ST8SIA4: variants seen among roughly 807,000 people sequenced by gnomAD.
ST8SIA4 encodes ST8 alpha-N-acetyl-neuraminide alpha-2,8-sialyltransferase 4, also known as CMP-N-acetylneuraminate-poly-alpha-2,8-sialyltransferase.
A neutral mutation model predicts 33.9 loss-of-function variants in ST8SIA4; 15 were observed. The ratio of observed to expected loss-of-function variants is 0.44; its 90% CI spans 0.30 to 0.68. The LOEUF is 0.68. Ranked by LOEUF, ST8SIA4 falls within the 30% of genes least tolerant of loss-of-function variation. The pLI, the probability that ST8SIA4 is intolerant of heterozygous loss-of-function variation, is 0.10. For missense variants in ST8SIA4, 321 were observed against 428.0 expected, an observed-to-expected ratio of 0.75 and a Z score of 2.21; for synonymous variants, 171 against 151.2, an observed-to-expected ratio of 1.13 and a Z score of -0.96.
rs760116482 is a variant in ST8SIA4 at position 100,856,091 on chromosome 5, C to T, written c.797+12G>A. 30 of 1,611,540 alleles carry T rather than the reference C, an allele frequency of 1.9e-5. No homozygotes were observed. In the South Asian group the frequency reaches 3.3e-4, roughly 18 times the overall value. ...TGTGCCAAGGACAAACTGGTCCTTTCCAGTCACTTACCCTCTGACAGCATG... is the reference window on the plus strand; with the variant it reads ...TGTGCCAAGGACAAACTGGTCCTTTTCAGTCACTTACCCTCTGACAGCATG... On this transcript the variant is annotated intron_variant, in intron 4 of 4. Coordinates refer to ENST00000231461, the MANE Select transcript of ST8SIA4 (RefSeq NM_005668.6).
intron 4 of ST8SIA4, among the ~76,000 whole-genome samples, chr5:100,841,370 G>A (rs1751466733): frequency 6.6e-6 from 1 of 151,826 alleles, no homozygotes; most frequent in Non-Finnish European, 1.5e-5. Flanking sequence ...GAGGCAGGAG[G>A]ATAGGGTCTG....
chr5:100,872,529 T>C (rs529168937), intron 3 of ST8SIA4, among the ~76,000 whole-genome samples: 1 of 152,060 alleles, frequency 6.6e-6, no homozygotes, highest in African/African-American at 2.4e-5. Flanking sequence ...AGGGACCAGA[T>C]AGAGATAATT....
rs540400507 is a variant in ST8SIA4 at position 100,843,644 on chromosome 5, ATGATTT to A, written c.797+12453_797+12458del. Among the ~76,000 whole-genome samples, 391 of 152,078 alleles carry A rather than the reference ATGATTT, an allele frequency of 2.6e-3. 2 individuals are homozygous for A. Among genetic ancestry groups the A allele is most frequent in the African/African-American group, 8.9e-3 (369 of 41,542 alleles). ...GCAGGCATTTACACAATACAGAGCAATGATTTGTCACTTACAATTTTTTGTTACTGA... is the reference window on the plus strand; with the variant it reads ...GCAGGCATTTACACAATACAGAGCAAGTCACTTACAATTTTTTGTTACTGA... On this transcript the variant is annotated intron_variant, in intron 4 of 4. Transcript: ENST00000231461.
chr5:100,845,728 T>G (rs1751554544), intron 4 of ST8SIA4, among the ~76,000 whole-genome samples: 1 of 152,008 alleles, frequency 6.6e-6, no homozygotes, highest in Admixed American at 6.6e-5. Flanking sequence ...GACAATTAAT[T>G]TATTTCCCCA....
rs1332526268 is a variant in ST8SIA4 at position 100,895,600 on chromosome 5, A to G, written c.245+54T>C. The G allele has an allele frequency of 1.9e-6, 3 of 1,564,246 alleles. No homozygotes were observed. In the African/African-American group the frequency reaches 4.1e-5, roughly 21 times the overall value. ...TGTTGAATACAAGTTTGCCAAGCCC[A>G]ACGTATTTGAGAACATGATGTGAAA... is the stretch of plus-strand genomic sequence containing the variant. On this transcript the variant is annotated intron_variant, in intron 2 of 4. Coordinates refer to ENST00000231461, the MANE Select transcript of ST8SIA4 (RefSeq NM_005668.6).
In ST8SIA4 at chr5:100,903,241, T is replaced by C. The variant is rs745447414; in HGVS notation, c.-286A>G. On this transcript the variant is annotated 5_prime_UTR_variant, in exon 1 of 5. The change abolishes an upstream ATG in the 5' untranslated region. Transcript: ENST00000231461. ...CTTTTCAGATGAGACACCTTGTGCATTGGAGGTGGCGGCAGCTTCTGCAGC... is the reference window on the plus strand; with the variant it reads ...CTTTTCAGATGAGACACCTTGTGCACTGGAGGTGGCGGCAGCTTCTGCAGC... 5 of 403,314 alleles carry C rather than the reference T, an allele frequency of 1.2e-5. No homozygotes were observed. The highest frequency in any genetic ancestry group is 4.3e-5 in the Admixed American group (1 of 23,158). 25.0% of individuals were successfully genotyped at this position (403,314 alleles called of 1,614,324 possible).
At chr5:100,899,980 A>G (rs1474186517) in intron 1 of ST8SIA4, among the ~76,000 whole-genome samples, 1 of 152,218 alleles carries the variant, frequency 6.6e-6, no homozygotes, top group Non-Finnish European at 1.5e-5. Flanking sequence ...ATGTATTTAA[A>G]AAAACATGTC....
At chr5:100,863,322 G>C (rs1751987774) in intron 3 of ST8SIA4, among the ~76,000 whole-genome samples, 1 of 152,074 alleles carries the variant, frequency 6.6e-6, no homozygotes, top group Non-Finnish European at 1.5e-5. Flanking sequence ...AAGGAGGGAG[G>C]GAAGAAGGAA....
At position 100,815,599 on chromosome 5, in the gene ST8SIA4, C is replaced by T. The variant is rs1416037041; in HGVS notation, c.798-3470G>A. Among the ~76,000 whole-genome samples, 3 of 151,586 alleles carry T rather than the reference C, an allele frequency of 2.0e-5. No individual in the cohort carries two copies. In the East Asian group the frequency reaches 5.8e-4, roughly 29 times the overall value. The stretch of plus-strand genomic sequence containing the variant: ...GTAGATCTCACTACTCTCTCACATA[C>T]AAAACAGAGCATGAAAGCTCTGTTT... On this transcript the variant is annotated intron_variant, in intron 4 of 4. Coordinates refer to ENST00000231461, the MANE Select transcript of ST8SIA4 (RefSeq NM_005668.6).
At chr5:100,845,806 T>G (rs1284392105) in intron 4 of ST8SIA4, among the ~76,000 whole-genome samples, 1 of 152,000 alleles carries the variant, frequency 6.6e-6, no homozygotes, top group Non-Finnish European at 1.5e-5. Context: ...TAAAAAATAA[T>G]GGATTGATTT....
intron 1 of ST8SIA4, chr5:100,900,502 C>T (rs1457065188): frequency 6.6e-6 from 3 of 456,238 alleles, no homozygotes; most frequent in Non-Finnish European, 1.3e-5. Flanking sequence ...GCTCGGGTCA[C>T]AAGCTTTTCC....
chr5:100,832,789 C>T (rs1181931596), intron 4 of ST8SIA4, among the ~76,000 whole-genome samples: 1 of 152,058 alleles, frequency 6.6e-6, no homozygotes, highest in Admixed American at 6.6e-5. Flanking sequence ...TCTCATTGTT[C>T]TTATTCAGTT....
chr5:100,898,004 G>A (rs1752817445), intron 1 of ST8SIA4, among the ~76,000 whole-genome samples: 1 of 152,136 alleles, frequency 6.6e-6, no homozygotes, highest in Non-Finnish European at 1.5e-5. Context: ...GATTTCAGGT[G>A]CAAACTATCA....
intron 2 of ST8SIA4, among the ~76,000 whole-genome samples, chr5:100,888,434 A>T (rs2112475280): frequency 6.6e-6 from 1 of 152,100 alleles, no homozygotes; most frequent in East Asian, 1.9e-4. Flanking sequence ...AATAGGGGAT[A>T]TACAACATAA....
rs1750737299 is a variant in ST8SIA4 at position 100,808,375 on chromosome 5, A to T, written c.*3472T>A. 6.5e-6 allele frequency: 1 copy of T among 152,682 alleles called. No homozygotes were observed. The highest frequency in any genetic ancestry group is 1.5e-5 in the Non-Finnish European group (1 of 68,040). The allele number at this position is 152,682 out of a possible 1,614,324, so 9.5% of individuals were successfully genotyped here. On this transcript the variant is annotated 3_prime_UTR_variant, in exon 5 of 5. Coordinates refer to ENST00000231461, the MANE Select transcript of ST8SIA4 (RefSeq NM_005668.6). ...ATAGAAAAACTTCCGCAGTAGTTTC[A>T]ACAGTCCTGTGGGCTGAATCATTAG...
At chr5:100,900,732 C>A (rs1310447493) in intron 1 of ST8SIA4, among the ~76,000 whole-genome samples, 1 of 121,566 alleles carries the variant, frequency 8.2e-6, no homozygotes, top group Non-Finnish European at 1.6e-5. Context: ...GAGCCAGTTG[C>A]CGACTGAGCT....
At position 100,829,681 on chromosome 5, in the gene ST8SIA4, G is replaced by T. The variant is rs893161858; in HGVS notation, c.798-17552C>A. ...TCCCAGCACTTTGGGAGGCCGAAGC[G>T]GGTGGATCACGAGGTCAGGAGATCG... is the stretch of plus-strand genomic sequence containing the variant. On this transcript the variant is annotated intron_variant, in intron 4 of 4. Transcript: ENST00000231461. 2.0e-5 allele frequency among the ~76,000 whole-genome samples: 3 copies of T among 152,108 alleles called. No individual in the cohort carries two copies. The South Asian group carries it at 6.2e-4, about 32-fold the overall frequency.
intron 4 of ST8SIA4, among the ~76,000 whole-genome samples, chr5:100,846,591 G>C (rs936380053): frequency 6.6e-6 from 1 of 151,926 alleles, no homozygotes; most frequent in Admixed American, 6.6e-5. Flanking sequence ...AGTGAGAAAT[G>C]ATGCCCAATT....
intron 3 of ST8SIA4, among the ~76,000 whole-genome samples, chr5:100,882,879 T>C (rs529491639): frequency 2.6e-4 from 40 of 152,336 alleles, no homozygotes; most frequent in African/African-American, 8.4e-4. Context: ...CTTCTGAAGA[T>C]GTATGGAAAT....
Sources: allele counts gnomAD v4.1 joint callset (sites outside exome capture counted in the v4.1 genomes callset), GRCh38; gene constraint gnomAD v4.1.1; transcripts MANE v1.5; gene names NCBI Gene and HGNC (gene_info 2026-07-23, HGNC 2026-07-21).